Variants in PRELID2 observed in about 807,000 individuals in gnomAD.
The protein encoded by PRELID2 is PRELI domain-containing protein 2.
PRELID2 carries 25 observed loss-of-function variants against 28.4 expected under a neutral mutation model. The ratio of observed to expected loss-of-function variants is 0.88; its 90% CI spans 0.64 to 1.23. PRELID2 has a LOEUF of 1.23. PRELID2 is among the 50% of genes most tolerant of loss of function. The pLI is 0.00. For missense variants in PRELID2, 201 were observed against 214.4 expected (o/e 0.94, Z 0.39); for synonymous variants, 76 against 71.6 (o/e 1.06, Z -0.31).
chr5:145,671,492 G>A (rs1010694273), intron 1 of PRELID2, among the ~76,000 whole-genome samples: 1 of 152,098 alleles, frequency 6.6e-6, no homozygotes, highest in African/African-American at 2.4e-5. Flanking sequence ...TGACAACAAA[G>A]AGCAGTTGTC....
chr5:145,397,229 C>T, the PRELID2 span, among the ~76,000 whole-genome samples: 87 of 152,022 alleles, frequency 5.7e-4, 1 homozygote, highest in South Asian at 2.1e-4. Context: ...CTACATGTTC[C>T]GAAGGCCCCC....
the PRELID2 span, among the ~76,000 whole-genome samples, chr5:145,404,251 A>G: frequency 6.6e-6 from 1 of 152,220 alleles, no homozygotes. Flanking sequence ...CTTATGCAAG[A>G]AAGATGGCTT....
the PRELID2 span, among the ~76,000 whole-genome samples, chr5:145,445,327 TG>T: frequency 4.6e-5 from 7 of 152,178 alleles, no homozygotes; most frequent in South Asian, 1.5e-3. Context: ...GCTATTCATA[TG>T]CAGAAGAATA....
At chr5:145,381,744 T>C in the PRELID2 span, 1 of 152,278 alleles carries the variant, frequency 6.6e-6, no homozygotes, top group Non-Finnish European at 1.5e-5. Flanking sequence ...GACATTCTTA[T>C]AAAAGTAAGA....
intron 4 of PRELID2, among the ~76,000 whole-genome samples, chr5:145,807,384 A>C (rs1486655470): frequency 1.3e-5 from 2 of 152,188 alleles, no homozygotes; most frequent in African/African-American, 4.8e-5. Flanking sequence ...AACTTTAAAC[A>C]GTCACCACAC....
chr5:145,470,381 C>T (rs1415600068), downstream of PRELID2, among the ~76,000 whole-genome samples: 1 of 152,116 alleles, frequency 6.6e-6, no homozygotes, highest in African/African-American at 2.4e-5. Context: ...TTGCACCCAT[C>T]GACAAATATC....
chr5:145,401,050 C>A, the PRELID2 span, among the ~76,000 whole-genome samples: 260 of 152,174 alleles, frequency 1.7e-3, no homozygotes, highest in Non-Finnish European at 3.4e-3. Context: ...ATACAGATAT[C>A]CAAGGATCAC....
the PRELID2 span, among the ~76,000 whole-genome samples, chr5:145,290,979 G>A: frequency 2.0e-4 from 31 of 151,638 alleles, 1 homozygote; most frequent in Non-Finnish European, 7.4e-5. Flanking sequence ...TACAGAGGTA[G>A]TCAAGTTGAG....
At chr5:145,579,458 G>A (rs1753089489) in intron 1 of PRELID2, among the ~76,000 whole-genome samples, 2 of 152,044 alleles carry the variant, frequency 1.3e-5, no homozygotes, top group South Asian at 4.1e-4. Context: ...CAATAATTGT[G>A]TAATTGTATT....
chr5:145,442,208 C>A, the PRELID2 span, among the ~76,000 whole-genome samples: 1 of 152,026 alleles, frequency 6.6e-6, no homozygotes, highest in African/African-American at 2.4e-5. Flanking sequence ...AGACAGAACA[C>A]AAACAAATGA....
At position 145,742,499 on chromosome 5, in the gene PRELID2, A is replaced by T. The variant is rs192046893; in HGVS notation, n.70+22432T>A. Among the ~76,000 whole-genome samples the T allele has an allele frequency of 3.1e-4, 43 of 139,922 alleles. No individual in the cohort carries two copies. In the Admixed American group the frequency reaches 3.2e-3, roughly 10 times the overall value. The allele number at this position is 139,922 out of a possible 152,430, so 91.8% of individuals were successfully genotyped here. A position where few individuals can be genotyped will look rare whatever the true frequency, so the allele number is the denominator to read the frequency against. On this transcript the variant is annotated intron_variant and non_coding_transcript_variant, in intron 1 of 2. Transcript: ENST00000510259. Reference sequence around the variant, plus strand: ...GAAATTAAACAACAAACTTCTCATTAATCTAGGAGCCAAAGAAGTCTCAAG... The same window carrying T: ...GAAATTAAACAACAAACTTCTCATTTATCTAGGAGCCAAAGAAGTCTCAAG...
At chr5:145,321,078 GA>G in the PRELID2 span, among the ~76,000 whole-genome samples, 2 of 152,114 alleles carry the variant, frequency 1.3e-5, no homozygotes, top group Non-Finnish European at 2.9e-5. Context: ...GAATTGAAAT[GA>G]AAAACAAGGC....
At chr5:145,651,020 G>A (rs1364115977) in intron 1 of PRELID2, among the ~76,000 whole-genome samples, 1 of 152,190 alleles carries the variant, frequency 6.6e-6, no homozygotes, top group Non-Finnish European at 1.5e-5. Flanking sequence ...AAGGGAAGCT[G>A]TGACAGATGG....
intron 6 of PRELID2, among the ~76,000 whole-genome samples, chr5:145,761,320 C>G (rs1358069182): frequency 1.3e-5 from 2 of 152,182 alleles, no homozygotes; most frequent in African/African-American, 4.8e-5. Context: ...TATGTCTACT[C>G]CATTGTGTAC....
At chr5:145,385,376 C>T in the PRELID2 span, among the ~76,000 whole-genome samples, 1 of 152,098 alleles carries the variant, frequency 6.6e-6, no homozygotes, top group African/African-American at 2.4e-5. Flanking sequence ...AATTTTTTGT[C>T]CTTCCATAGC....
intron 1 of PRELID2, among the ~76,000 whole-genome samples, chr5:145,555,167 A>T (rs1017601634): frequency 6.6e-6 from 1 of 152,224 alleles, no homozygotes; most frequent in African/African-American, 2.4e-5. Context: ...TTATTGAAGC[A>T]TTAGAGCAGT....
chr5:145,473,284 C>T (rs888395323), exon 2 of PRELID2: 8 of 152,166 alleles, frequency 5.3e-5, no homozygotes, highest in African/African-American at 1.9e-4. Context: ...AAATCACATA[C>T]ATTTTCCAGT....
At chr5:145,397,025 G>A in the PRELID2 span, among the ~76,000 whole-genome samples, 1 of 152,056 alleles carries the variant, frequency 6.6e-6, no homozygotes, top group Non-Finnish European at 1.5e-5. Context: ...TAAGGGCACT[G>A]GGGAGCAACT....
intron 1 of PRELID2, among the ~76,000 whole-genome samples, chr5:145,643,574 C>A (rs1346236435): frequency 6.6e-6 from 1 of 152,212 alleles, no homozygotes; most frequent in Admixed American, 6.5e-5. Context: ...TGAGAGAGGG[C>A]ATTCTTGCCT....
Sources: gnomAD v4.1 joint callset for allele counts (sites outside exome capture counted in the v4.1 genomes callset) on GRCh38, gnomAD v4.1.1 for gene constraint, MANE v1.5 for transcripts, NCBI Gene and HGNC (gene_info 2026-07-23, HGNC 2026-07-21) for gene names.